Variants in PCDHA5 observed in about 807,000 individuals in gnomAD.
PCDHA5 encodes the protein protocadherin alpha-5.
In PCDHA5, 43 loss-of-function variants were observed where a neutral mutation model predicts 61.6. That is an observed-to-expected ratio of 0.70 (90% CI 0.55 to 0.90). The LOEUF (loss-of-function observed/expected upper bound fraction) is 0.90. Among genes scored for constraint, PCDHA5 ranks in the 40% least tolerant of loss-of-function variants. The probability of loss-of-function intolerance (pLI) is 0.00; values close to 1 mark genes in which losing one functional copy is unlikely to be tolerated. For missense variants in PCDHA5, 1,298 were observed against 1,222.7 expected, an observed-to-expected ratio of 1.06 and a Z score of -0.92; for synonymous variants, 627 against 543.9, an observed-to-expected ratio of 1.15 and a Z score of -2.13.
chr5:140,920,972 T>C (rs246075), intron 1 of PCDHA5, among the ~76,000 whole-genome samples: 86,063 of 151,854 alleles, frequency 0.57, 25,081 homozygotes, highest in African/African-American at 0.71. Flanking sequence ...TACTAGAGTA[T>C]AATATTGTAT....
In PCDHA5 at chr5:140,823,691, C is replaced by G; in HGVS notation, c.1916C>G (p.Thr639Ser). ...AGCACAACACGCTCTCTGGATGAGA[C>G]CGAAGCACCGCGCCACCGCCTTCTG... is the stretch of plus-strand genomic sequence containing the variant. ...EISTTRSLDE[T>S]EAPRHRLLVL... is the part of the protein sequence containing the mutation. The change falls in exon 1 of 4, where the codon ACC becomes AGC. Residue 639 changes from threonine to serine, a missense_variant. Physicochemically the swap from Thr to Ser is moderately conservative, Grantham distance 58. Transcript: ENST00000529859. The G allele has an allele frequency of 6.2e-7, 1 of 1,613,980 alleles. No homozygotes were observed. The highest frequency in any genetic ancestry group is 8.5e-7 in the Non-Finnish European group (1 of 1,179,954).
intron 1 of PCDHA5, among the ~76,000 whole-genome samples, chr5:140,826,123 C>G (rs1018689969): frequency 6.6e-6 from 1 of 152,152 alleles, no homozygotes; most frequent in Non-Finnish European, 1.5e-5. Context: ...TTCCTAATAT[C>G]CTGAGCTACT....
At chr5:140,949,263 C>G (rs1210516513) in intron 1 of PCDHA5, among the ~76,000 whole-genome samples, 1 of 151,714 alleles carries the variant, frequency 6.6e-6, no homozygotes, top group Non-Finnish European at 1.5e-5. Context: ...GAACATATCA[C>G]GTGCACTTGA....
chr5:140,883,330 T>G, intron 1 of PCDHA5: 3 of 1,614,182 alleles, frequency 1.9e-6, no homozygotes, highest in Middle Eastern at 1.6e-4. Flanking sequence ...CCATCACTTC[T>G]TTGTCACTCC....
chr5:140,855,873 A>G lies in PCDHA5; in HGVS notation c.2352+31746A>G. ...ACCGGATGTCGCTGTCGTCCACAAAATAGCTTTTTAGAACAAAGGCATCAG... is the reference window on the plus strand; with the variant it reads ...ACCGGATGTCGCTGTCGTCCACAAAGTAGCTTTTTAGAACAAAGGCATCAG... On this transcript the variant is annotated intron_variant, in intron 1 of 3. Coordinates refer to ENST00000529859, the MANE Select transcript of PCDHA5 (RefSeq NM_018908.3). The G allele has an allele frequency of 2.3e-6, 2 of 864,574 alleles. 1 individual carries two copies. Among genetic ancestry groups the G allele is most frequent in the South Asian group, 4.1e-5 (2 of 49,350 alleles). The allele number at this position is 864,574 out of a possible 1,614,324, so 53.6% of individuals were successfully genotyped here.
rs1314972050 is a variant in PCDHA5, at chr5:141,011,103, T to A, written c.*1166T>A. 6.5e-6 allele frequency: 1 copy of A among 153,762 alleles called. No individual in the cohort carries two copies. Among genetic ancestry groups the A allele is most frequent in the Non-Finnish European group, 1.5e-5 (1 of 68,036 alleles). The allele number at this position is 153,762 out of a possible 1,614,324, so 9.5% of individuals were successfully genotyped here. A position where few individuals can be genotyped will look rare whatever the true frequency, so the allele number is the denominator to read the frequency against. On this transcript the variant is annotated 3_prime_UTR_variant, in exon 4 of 4. Coordinates refer to ENST00000529859, the MANE Select transcript of PCDHA5 (RefSeq NM_018908.3). ...TGATCTCTCTTTCTCTCTCTCTCTC[T>A]CTTTTCTAAGAAACAATTATGTGCA... is the stretch of plus-strand genomic sequence containing the variant.
chr5:140,824,408 C>G (rs2150134357), intron 1 of PCDHA5: 1 of 535,032 alleles, frequency 1.9e-6, no homozygotes, highest in Non-Finnish European at 3.3e-6. Context: ...AATTGTAAGA[C>G]ATAGTTTGGA....
At chr5:140,970,332 G>A (rs1236073527) in intron 1 of PCDHA5, among the ~76,000 whole-genome samples, 12 of 152,138 alleles carry the variant, frequency 7.9e-5, no homozygotes, top group Admixed American at 2.6e-4. Flanking sequence ...TCCAAAGCAT[G>A]CATTCATTTT....
intron 1 of PCDHA5, among the ~76,000 whole-genome samples, chr5:140,925,482 A>G (rs1238702660): frequency 2.0e-5 from 3 of 152,088 alleles, no homozygotes; most frequent in Admixed American, 6.6e-5. Flanking sequence ...TTCTCATAGA[A>G]CTGATCACTG....
chr5:140,863,075 C>T (rs546237964), intron 1 of PCDHA5: 87 of 569,532 alleles, frequency 1.5e-4, no homozygotes, highest in South Asian at 9.6e-4. Flanking sequence ...GGGCTCTGCA[C>T]GGGCGAGATC....
chr5:140,887,321 C>A (rs1277860165), intron 1 of PCDHA5, among the ~76,000 whole-genome samples: 4 of 152,150 alleles, frequency 2.6e-5, no homozygotes, highest in Non-Finnish European at 5.9e-5. Flanking sequence ...TAGTCTCGAA[C>A]TCCTGACCTC....
intron 1 of PCDHA5, among the ~76,000 whole-genome samples, chr5:140,912,376 G>A (rs2075897019): frequency 6.6e-6 from 1 of 151,474 alleles, no homozygotes; most frequent in African/African-American, 2.4e-5. Context: ...TTGTAAAAGG[G>A]ATTGAGTTCT....
chr5:140,890,238 C>T (rs2062554718), intron 1 of PCDHA5, among the ~76,000 whole-genome samples: 1 of 152,034 alleles, frequency 6.6e-6, no homozygotes, highest in African/African-American at 2.4e-5. Flanking sequence ...TAAGCATTTA[C>T]CAGTACACTA....
chr5:141,010,938 A>G lies in PCDHA5; in HGVS notation c.*1001A>G, dbSNP rs1210392691. ...TCAAAAGAGAATTCAGTCTACAGCC[A>G]TTTAAATGATCATTGCTGCTACAGA... On this transcript the variant is annotated 3_prime_UTR_variant, in exon 4 of 4. Coordinates refer to ENST00000529859, the MANE Select transcript of PCDHA5 (RefSeq NM_018908.3). 6 of 153,824 alleles carry G rather than the reference A, an allele frequency of 3.9e-5. No homozygotes were observed. Among genetic ancestry groups the G allele is most frequent in the African/African-American group, 1.4e-4 (6 of 41,470 alleles). The allele number at this position is 153,824 out of a possible 1,614,324, so 9.5% of individuals were successfully genotyped here. A position where few individuals can be genotyped will look rare whatever the true frequency, so the allele number is the denominator to read the frequency against.
intron 1 of PCDHA5, among the ~76,000 whole-genome samples, chr5:140,940,086 A>G (rs373629874): frequency 6.6e-6 from 1 of 152,214 alleles, no homozygotes; most frequent in African/African-American, 2.4e-5. Flanking sequence ...TTTCTGCTAA[A>G]TTGAAACTTT....
At chr5:140,846,138 T>C (rs1780216655) in intron 1 of PCDHA5, among the ~76,000 whole-genome samples, 1 of 149,702 alleles carries the variant, frequency 6.7e-6, no homozygotes, top group Non-Finnish European at 1.5e-5. Flanking sequence ...ATGTTTCCCA[T>C]ATTTAAAAGT....
Position 140,841,739 on chromosome 5 carries a change from CTG to C in PCDHA5, c.2352+17614_2352+17615del, listed in dbSNP as rs2150321939. Reference sequence around the variant, plus strand: ...AGTGTTCCGGGTAAAAGACCAAAAGCTGTTTGTTTCAGAATCCAGAATGCCAG... The same window carrying C: ...AGTGTTCCGGGTAAAAGACCAAAAGCTTTGTTTCAGAATCCAGAATGCCAG... On this transcript the variant is annotated intron_variant, in intron 1 of 3. Coordinates refer to ENST00000529859, the MANE Select transcript of PCDHA5 (RefSeq NM_018908.3). 3 of 1,613,880 alleles carry C rather than the reference CTG, an allele frequency of 1.9e-6. No homozygotes were observed. In the East Asian group the frequency reaches 6.7e-5, roughly 36 times the overall value.
chr5:140,850,137 A>G, intron 1 of PCDHA5: 1 of 1,595,786 alleles, frequency 6.3e-7, no homozygotes, highest in South Asian at 1.1e-5. Flanking sequence ...TCTGGGCAGC[A>G]ACGTGACGCT....
At chr5:140,830,378 G>A in intron 1 of PCDHA5, 1 of 1,614,122 alleles carries the variant, frequency 6.2e-7, no homozygotes, top group Non-Finnish European at 8.5e-7. Context: ...CTCCGGGGAG[G>A]GCCCACCCAA....
Sources: allele counts gnomAD v4.1 joint callset (sites outside exome capture counted in the v4.1 genomes callset), GRCh38; gene constraint gnomAD v4.1.1; transcripts MANE v1.5; gene names NCBI Gene and HGNC (gene_info 2026-07-23, HGNC 2026-07-21).